LYST: variants seen among roughly 807,000 people sequenced by gnomAD.
LYST encodes lysosomal-trafficking regulator.
LYST carries 192 observed loss-of-function variants against 413.6 expected under a neutral mutation model. The ratio of observed to expected loss-of-function variants is 0.46; its 90% confidence interval spans 0.41 to 0.52. The LOEUF is 0.52. Ranked by LOEUF, LYST falls within the 20% of genes least tolerant of loss-of-function variation. The pLI is 0.00. For missense variants in LYST, 3,815 were observed against 4,499.9 expected (o/e 0.85, Z 4.35); for synonymous variants, 1,525 against 1,567.3 (o/e 0.97, Z 0.64).
chr1:235,685,184 C>CT (rs1254964752), intron 48 of LYST, among the ~76,000 whole-genome samples: 1 of 152,180 alleles, frequency 6.6e-6, no homozygotes, highest in Admixed American at 6.5e-5. Flanking sequence ...TCAAGTGTAA[C>CT]TTAACAGGCT....
intron 21 of LYST, among the ~76,000 whole-genome samples, chr1:235,764,567 T>A (rs1295872383): frequency 6.9e-6 from 1 of 145,922 alleles, no homozygotes; most frequent in African/African-American, 2.5e-5. Flanking sequence ...TGGCACATTC[T>A]CACCTAACTG....
chr1:235,827,480 G>A (rs1001440069), intron 3 of LYST: 17 of 983,606 alleles, frequency 1.7e-5, no homozygotes, highest in African/African-American at 8.7e-5. Flanking sequence ...AGCACAGATA[G>A]AAAAACTAAA....
rs996336599 is a variant in LYST, at chr1:235,744,329, T to C, written c.7973-172A>G. ...TAGATACAATGTAGTAGAAAGTGAA[T>C]TTACGTAAAATAACAGAAATTTGAA... On this transcript the variant is annotated intron_variant, in intron 29 of 52. Transcript: ENST00000389793. Among the ~76,000 whole-genome samples the C allele has an allele frequency of 2.0e-5, 3 of 152,172 alleles. No individual in the cohort carries two copies. The highest frequency in any genetic ancestry group is 4.4e-5 in the Non-Finnish European group (3 of 68,030).
intron 28 of LYST, among the ~76,000 whole-genome samples, chr1:235,748,700 G>C (rs1666156301): frequency 1.3e-5 from 2 of 152,312 alleles, no homozygotes; most frequent in South Asian, 4.1e-4. Context: ...TGGTAAACCT[G>C]AATGAGGTTG....
intron 29 of LYST, among the ~76,000 whole-genome samples, chr1:235,745,680 T>C (rs1015271260): frequency 8.5e-5 from 13 of 152,132 alleles, no homozygotes; most frequent in African/African-American, 2.9e-4. Context: ...GATTCATACA[T>C]CCATACCACA....
In LYST at chr1:235,809,031, A is replaced by G; in HGVS notation, c.1787T>C (p.Leu596Pro). Residue 596 changes from leucine to proline, a missense_variant, in exon 5 of 53, where the codon CTC becomes CCC. Around this residue, in one of 4 missense-constraint regions of LYST, gnomAD observed 1,648 missense variants for 1,810.3 expected, o/e 0.91. Transcript: ENST00000389793. This position sits in a 1 kb window ranked among gnomAD's most constrained non-coding sequence, Gnocchi z 4.0. Reference sequence around the variant, plus strand: ...CAGTGCTGGCAATTTAAAAGCATGGAGCAAAGGAATGATTACAGATTTGGG... The same window carrying G: ...CAGTGCTGGCAATTTAAAAGCATGGGGCAAAGGAATGATTACAGATTTGGG... ...MDPKSVIIPL[L>P]HAFKLPALKN... 1 of 1,614,106 alleles carries G rather than the reference A, an allele frequency of 6.2e-7. No individual in the cohort carries two copies. Among genetic ancestry groups the G allele is most frequent in the Non-Finnish European group, 8.5e-7 (1 of 1,179,948 alleles).
intron 3 of LYST, among the ~76,000 whole-genome samples, chr1:235,819,265 T>A (rs977890089): frequency 2.0e-5 from 3 of 152,196 alleles, no homozygotes; most frequent in African/African-American, 7.2e-5. Flanking sequence ...TCTGGGTGCA[T>A]TACTTTTTTA....
intron 10 of LYST, among the ~76,000 whole-genome samples, chr1:235,798,560 A>G (rs1300537074): frequency 7.1e-6 from 1 of 140,346 alleles, no homozygotes; most frequent in Non-Finnish European, 1.5e-5. Flanking sequence ...CCTTGGCGAC[A>G]AGGGCAAAAC....
At chr1:235,673,377 C>A (rs1027210980) in intron 50 of LYST, among the ~76,000 whole-genome samples, 1 of 152,152 alleles carries the variant, frequency 6.6e-6, no homozygotes, top group African/African-American at 2.4e-5. Context: ...AAAAATACCT[C>A]TGCCCCTCCA....
At chr1:235,728,621 C>G (rs745556242) in intron 37 of LYST, among the ~76,000 whole-genome samples, 2 of 152,138 alleles carry the variant, frequency 1.3e-5, no homozygotes, top group Non-Finnish European at 2.9e-5. Flanking sequence ...CAACTTTTTC[C>G]TGTTTCATAG....
At chr1:235,729,780 AG>A in intron 36 of LYST, 123 bp from the exon 37 acceptor site, 1 of 719,468 alleles carries the variant, frequency 1.4e-6, no homozygotes, top group South Asian at 1.5e-5. Context: ...CAATAGCATG[AG>A]GTATCTTGTC....
At chr1:235,690,127 CTGA>C (rs1248715439) in intron 47 of LYST, among the ~76,000 whole-genome samples, 9 of 152,150 alleles carry the variant, frequency 5.9e-5, no homozygotes, top group Admixed American at 3.9e-4. Context: ...TCAATTAATA[CTGA>C]TGATGATTTC....
chr1:235,820,516 C>T (rs1340873908), intron 3 of LYST, among the ~76,000 whole-genome samples: 3 of 151,960 alleles, frequency 2.0e-5, no homozygotes, highest in East Asian at 1.9e-4. Flanking sequence ...ACTACAGGCA[C>T]GTGCCACCAC....
chr1:235,859,519 T>C lies in LYST; in HGVS notation c.-98+7324A>G, dbSNP rs1398686158. Among the ~76,000 whole-genome samples the C allele has an allele frequency of 1.3e-4, 20 of 148,448 alleles. 1 individual carries two copies. The highest frequency in any genetic ancestry group is 1.3e-3 in the Admixed American group (19 of 15,028). Reference sequence around the variant, plus strand: ...CACCAGGCCTTTTTTTTTTTTTAAATGTATCTATATCTGACTCAGTTTCAA... The same window carrying C: ...CACCAGGCCTTTTTTTTTTTTTAAACGTATCTATATCTGACTCAGTTTCAA... On this transcript the variant is annotated intron_variant, in intron 1 of 52. Coordinates refer to ENST00000389793, the MANE Select transcript of LYST (RefSeq NM_000081.4).
At chr1:235,703,060 T>TG in intron 44 of LYST, 83 bp from the exon 45 acceptor site, 4 of 1,008,966 alleles carry the variant, frequency 4.0e-6, no homozygotes, top group Non-Finnish European at 6.3e-6. Flanking sequence ...AAAACAACAC[T>TG]TTGTTTTATA....
At chr1:235,665,330 C>T (rs951308120) in intron 50 of LYST, among the ~76,000 whole-genome samples, 20 of 152,108 alleles carry the variant, frequency 1.3e-4, no homozygotes, top group African/African-American at 4.8e-4. Context: ...AGTGACTTGG[C>T]CAGGCGTGGT....
intron 44 of LYST, among the ~76,000 whole-genome samples, chr1:235,706,318 C>T (rs561700839): frequency 3.1e-4 from 47 of 152,260 alleles, no homozygotes; most frequent in African/African-American, 1.1e-3. Flanking sequence ...CCTCCCTATA[C>T]CTGTAGTAAA....
At chr1:235,713,710 A>G (rs1662599972) in intron 42 of LYST, among the ~76,000 whole-genome samples, 1 of 152,214 alleles carries the variant, frequency 6.6e-6, no homozygotes, top group Non-Finnish European at 1.5e-5. Context: ...TGACAAACGA[A>G]TTATGCAGCT....
chr1:235,861,856 T>C (rs1379958783), intron 1 of LYST, among the ~76,000 whole-genome samples: 2 of 152,236 alleles, frequency 1.3e-5, no homozygotes, highest in East Asian at 1.9e-4. Flanking sequence ...AAATACTATA[T>C]AATTTGATTT....
Sources: gnomAD v4.1 joint callset for allele counts (sites outside exome capture counted in the v4.1 genomes callset) on GRCh38, gnomAD v4.1.1 for gene constraint, gnomAD v4.1.1 regional missense constraint, Gnocchi (gnomAD v3.1) non-coding constraint, MANE v1.5 for transcripts, NCBI Gene and HGNC (gene_info 2026-07-23, HGNC 2026-07-21) for gene names.